NDRG1: variants seen among roughly 807,000 people sequenced by gnomAD.
NDRG1 encodes the protein protein NDRG1.
Under a neutral mutation model 56.9 loss-of-function variants are expected in NDRG1, and 32 were observed. The ratio of observed to expected loss-of-function variants is 0.56; its 90% confidence interval spans 0.42 to 0.76. The LOEUF (loss-of-function observed/expected upper bound fraction) is 0.76. NDRG1 is among the 30% of genes least tolerant of loss of function. The probability of loss-of-function intolerance (pLI) is 0.00; values close to 1 mark genes in which losing one functional copy is unlikely to be tolerated. For missense variants in NDRG1, 507 were observed against 545.7 expected (o/e 0.93, Z 0.71); for synonymous variants, 211 against 204.1 (o/e 1.03, Z -0.29).
intron 3 of NDRG1, among the ~76,000 whole-genome samples, chr8:133,268,080 G>C (rs1321031593): frequency 2.0e-5 from 3 of 152,148 alleles, no homozygotes; most frequent in African/African-American, 7.2e-5. Flanking sequence ...CTATTCCTCA[G>C]TCCAAGAAGG....
chr8:133,261,864 TA>T (rs1385008209), intron 5 of NDRG1, among the ~76,000 whole-genome samples, 182 bp downstream of exon 5: 2 of 152,232 alleles, frequency 1.3e-5, no homozygotes, highest in African/African-American at 4.8e-5. Context: ...ACTATATACT[TA>T]AAAATAGTGA....
chr8:133,274,262 C>T (rs1421002988), intron 3 of NDRG1, among the ~76,000 whole-genome samples: 19 of 152,202 alleles, frequency 1.2e-4, no homozygotes, highest in Admixed American at 3.9e-4. Flanking sequence ...ATGCAGACTC[C>T]GCCAGCAGCT....
rs1856407425 is a variant in NDRG1, at chr8:133,256,908, A to C, written c.451-45T>G. On this transcript the variant is annotated intron_variant, in intron 7 of 15. Coordinates refer to ENST00000323851, the MANE Select transcript of NDRG1 (RefSeq NM_006096.4). ...GTGAGACAGACATCCCAGCAATCTG[A>C]AACACTAGGAACTTTCCAAGGCAAA... 4 of 1,567,550 alleles carry C rather than the reference A, an allele frequency of 2.6e-6. No homozygotes were observed. In the African/African-American group the frequency reaches 4.1e-5, roughly 16 times the overall value.
chr8:133,280,097 A>G, intron 3 of NDRG1, 135 bp downstream of exon 3: 1 of 1,008,576 alleles, frequency 9.9e-7, no homozygotes, highest in Non-Finnish European at 1.5e-6. Context: ...GAGGGTGAGG[A>G]CCTAGCTGAG....
intron 8 of NDRG1, 64 bp from the exon 9 acceptor site, chr8:133,254,659 A>G: frequency 6.5e-7 from 1 of 1,538,394 alleles, no homozygotes; most frequent in Non-Finnish European, 8.9e-7. Context: ...AAGGTCAGCA[A>G]AACCCCACTT....
intron 13 of NDRG1, 192 bp from the exon 14 acceptor site, chr8:133,244,582 G>C (rs892909967): frequency 9.0e-6 from 6 of 670,336 alleles, no homozygotes; most frequent in Non-Finnish European, 1.6e-5. Flanking sequence ...TGGTGTCTCC[G>C]TGGCAACCAT....
rs556570301 is a variant in NDRG1 at position 133,256,771 on chromosome 8, C to A, written c.537+6G>T. On this transcript the variant is annotated splice_donor_region_variant and intron_variant, in intron 8 of 15. Coordinates refer to ENST00000323851, the MANE Select transcript of NDRG1 (RefSeq NM_006096.4). ...ATCCCGCCGGCCTGACAGGCCCCCA[C>A]CTCACCTTGGAGGCGGCCCAGTCCA... is the stretch of plus-strand genomic sequence containing the variant. 1 of 1,614,078 alleles carries A rather than the reference C, an allele frequency of 6.2e-7. No individual in the cohort carries two copies. Among genetic ancestry groups the A allele is most frequent in the Admixed American group, 1.7e-5 (1 of 60,026 alleles).
Position 133,258,152 on chromosome 8 carries a change from A to T in NDRG1, c.450+214T>A, listed in dbSNP as rs187696807. Among the ~76,000 whole-genome samples the T allele has an allele frequency of 2.1e-3, 326 of 152,198 alleles. 5 individuals are homozygous for T. Among genetic ancestry groups the T allele is most frequent in the African/African-American group, 7.5e-3 (313 of 41,512 alleles). The stretch of plus-strand genomic sequence containing the variant: ...AGCGGACAAAGCCCATGACAAAGGA[A>T]TGTGTCCAGTATCATCCTTGAGTGG... On this transcript the variant is annotated intron_variant, in intron 7 of 15. Coordinates refer to ENST00000323851, the MANE Select transcript of NDRG1 (RefSeq NM_006096.4).
chr8:133,267,286 T>A (rs1024580716), intron 3 of NDRG1, among the ~76,000 whole-genome samples: 1 of 152,212 alleles, frequency 6.6e-6, no homozygotes, highest in African/African-American at 2.4e-5. Context: ...AAGTTCCCTG[T>A]TCCTGAATGG....
At chr8:133,269,518 T>C (rs560163303) in intron 3 of NDRG1, among the ~76,000 whole-genome samples, 1 of 152,190 alleles carries the variant, frequency 6.6e-6, no homozygotes, top group Non-Finnish European at 1.5e-5. Context: ...TCTCATTAAA[T>C]ACACGGAACA....
chr8:133,247,458 G>A (rs963716399), intron 12 of NDRG1, among the ~76,000 whole-genome samples: 20 of 152,218 alleles, frequency 1.3e-4, no homozygotes, highest in African/African-American at 4.8e-4. Flanking sequence ...GGGAGTTAAG[G>A]GGTGAAAGGA....
chr8:133,254,077 A>G (rs954484111), intron 9 of NDRG1, among the ~76,000 whole-genome samples: 1 of 37,328 alleles, frequency 2.7e-5, no homozygotes, highest in Admixed American at 2.4e-4. Flanking sequence ...AAGCCAGACC[A>G]AAAAAAAAAA....
At chr8:133,277,248 G>A (rs559255176) in intron 3 of NDRG1, among the ~76,000 whole-genome samples, 6 of 152,148 alleles carry the variant, frequency 3.9e-5, no homozygotes, top group Admixed American at 3.3e-4. Flanking sequence ...GTTGTTTAAT[G>A]GGACAGAGTT....
intron 6 of NDRG1, 21 bp from the exon 7 acceptor site, chr8:133,258,447 G>C (rs752103244): frequency 6.2e-7 from 1 of 1,602,820 alleles, no homozygotes; most frequent in Non-Finnish European, 8.5e-7. Context: ...AAATACAAAT[G>C]CATGTCACAC....
chr8:133,258,016 G>GAT (rs1856470003), intron 7 of NDRG1, among the ~76,000 whole-genome samples: 1 of 152,120 alleles, frequency 6.6e-6, no homozygotes, highest in South Asian at 2.1e-4. Context: ...TTCTAGTTTA[G>GAT]AATCAGTTAT....
At chr8:133,278,578 G>C (rs1356074458) in intron 3 of NDRG1, among the ~76,000 whole-genome samples, 1 of 152,114 alleles carries the variant, frequency 6.6e-6, no homozygotes, top group Non-Finnish European at 1.5e-5. Flanking sequence ...CTTCCTTCCT[G>C]GTCAGGCAGA....
In NDRG1 at chr8:133,267,420, C is replaced by T. The variant is rs556434566; in HGVS notation, c.100-2768G>A. ...CAGCACGGGGTCATCCTGGCACCTGCATTAGCCCCCAACACCGTTAAGTCC... is the reference window on the plus strand; with the variant it reads ...CAGCACGGGGTCATCCTGGCACCTGTATTAGCCCCCAACACCGTTAAGTCC... On this transcript the variant is annotated intron_variant, in intron 3 of 15. Coordinates refer to ENST00000323851, the MANE Select transcript of NDRG1 (RefSeq NM_006096.4). 4.6e-5 allele frequency among the ~76,000 whole-genome samples: 7 copies of T among 152,300 alleles called. No individual in the cohort carries two copies. The South Asian group carries it at 1.2e-3, about 27-fold the overall frequency.
chr8:133,294,319 C>A (rs1400016696), intron 1 of NDRG1, among the ~76,000 whole-genome samples: 1 of 152,336 alleles, frequency 6.6e-6, no homozygotes, highest in African/African-American at 2.4e-5. Flanking sequence ...GCAATACGAT[C>A]CAGGCAACGT....
intron 4 of NDRG1, among the ~76,000 whole-genome samples, chr8:133,263,037 T>C (rs1461794717): frequency 6.6e-6 from 1 of 152,250 alleles, no homozygotes; most frequent in Non-Finnish European, 1.5e-5. Flanking sequence ...CACAGAGGGC[T>C]TGGCATCTTT....
Sources: allele counts gnomAD v4.1 joint callset (sites outside exome capture counted in the v4.1 genomes callset), GRCh38; gene constraint gnomAD v4.1.1; transcripts MANE v1.5; gene names NCBI Gene and HGNC (gene_info 2026-07-23, HGNC 2026-07-21).